The following CDH18 variants were observed in gnomAD, a reference collection of about 807,000 sequenced individuals.
The protein encoded by CDH18 is cadherin 18.
In CDH18, 31 loss-of-function variants were observed where a neutral mutation model predicts 67.9. That is an observed-to-expected ratio of 0.46 (90% CI 0.34 to 0.62). The LOEUF (loss-of-function observed/expected upper bound fraction) is 0.62. CDH18 is among the 20% of genes least tolerant of loss of function. The probability of loss-of-function intolerance (pLI) is 0.01; values close to 1 mark genes in which losing one functional copy is unlikely to be tolerated. For synonymous variants in CDH18, 362 were observed against 347.2 expected, an observed-to-expected ratio of 1.04 and a Z score of -0.48; for missense variants, 890 against 975.5, an observed-to-expected ratio of 0.91 and a Z score of 1.17.
rs182487477 is a variant in CDH18, at chr5:20,214,603, A to G, written c.-518+40841T>C. On this transcript the variant is annotated intron_variant, in intron 2 of 14. Transcript: ENST00000507958. ...CAAAGCAATAGGGAAAGGACTCCCTAGTCAATAAATGGTGCTAGGATAACT... is the reference window on the plus strand; with the variant it reads ...CAAAGCAATAGGGAAAGGACTCCCTGGTCAATAAATGGTGCTAGGATAACT... Among the ~76,000 whole-genome samples the G allele has an allele frequency of 1.2e-3, 185 of 152,210 alleles. 1 individual carries two copies. Among genetic ancestry groups the G allele is most frequent in the African/African-American group, 4.3e-3 (178 of 41,560 alleles).
chr5:20,092,231 C>G (rs779265645), intron 2 of CDH18, among the ~76,000 whole-genome samples: 39 of 152,138 alleles, frequency 2.6e-4, no homozygotes, highest in Non-Finnish European at 4.4e-4. Flanking sequence ...TTCTGTATGA[C>G]TCAATGCAAA....
intron 5 of CDH18, among the ~76,000 whole-genome samples, chr5:19,649,351 A>T (rs16885644): frequency 0.022 from 3,309 of 152,220 alleles, 54 homozygotes; most frequent in Non-Finnish European, 0.031. Context: ...CAAGTTAAAG[A>T]TATGTGTTCA....
Position 20,240,608 on chromosome 5 carries a change from G to C in CDH18, c.-518+14836C>G, listed in dbSNP as rs191713990. On this transcript the variant is annotated intron_variant, in intron 2 of 14. Transcript: ENST00000507958. ...TGAATGTATAGTTCAGACATATTTT[G>C]AAATATATTCTTTCTAAAGCAAAAT... 1.5e-3 allele frequency among the ~76,000 whole-genome samples: 234 copies of C among 152,210 alleles called. 2 individuals carry two copies. The highest frequency in any genetic ancestry group is 5.4e-3 in the African/African-American group (226 of 41,560).
chr5:19,647,518 A>AGACTCCAT (rs1208085810), intron 5 of CDH18, among the ~76,000 whole-genome samples: 1 of 118,556 alleles, frequency 8.4e-6, no homozygotes, highest in Non-Finnish European at 1.7e-5. Context: ...TGACAGAGCG[A>AGACTCCAT]GACTCCATCA....
At chr5:20,138,994 A>G (rs1749992930) in intron 2 of CDH18, among the ~76,000 whole-genome samples, 1 of 152,182 alleles carries the variant, frequency 6.6e-6, no homozygotes, top group South Asian at 2.1e-4. Flanking sequence ...CCAAAAAAGA[A>G]CCTGCATTGC....
intron 5 of CDH18, among the ~76,000 whole-genome samples, chr5:19,685,866 AG>A (rs1367306649): frequency 6.6e-6 from 1 of 152,152 alleles, no homozygotes; most frequent in Non-Finnish European, 1.5e-5. Context: ...AGGATCACAC[AG>A]GATATTTTTA....
At chr5:19,788,807 T>A (rs909423894) in intron 3 of CDH18, among the ~76,000 whole-genome samples, 2 of 152,242 alleles carry the variant, frequency 1.3e-5, no homozygotes, top group African/African-American at 4.8e-5. Context: ...GGTGACTTGT[T>A]GTTAAAGGAG....
chr5:20,246,657 G>T (rs1743403422), intron 2 of CDH18, among the ~76,000 whole-genome samples: 1 of 152,148 alleles, frequency 6.6e-6, no homozygotes, highest in Non-Finnish European at 1.5e-5. Context: ...CAACCATGAT[G>T]CATTTATGGG....
chr5:19,552,564 C>A (rs1561328886), intron 8 of CDH18, among the ~76,000 whole-genome samples: 1 of 152,152 alleles, frequency 6.6e-6, no homozygotes. Context: ...CAAACCCTAT[C>A]ACCACTACAT....
intron 1 of CDH18, among the ~76,000 whole-genome samples, chr5:20,523,943 G>C (rs1755898176): frequency 1.3e-5 from 2 of 152,214 alleles, no homozygotes; most frequent in African/African-American, 4.8e-5. Context: ...TTGGGACAGA[G>C]ATCTGGCAAA....
At chr5:19,709,834 A>T (rs1764486754) in intron 5 of CDH18, among the ~76,000 whole-genome samples, 1 of 151,986 alleles carries the variant, frequency 6.6e-6, no homozygotes. Flanking sequence ...AAAAACATAA[A>T]CCTTAAAACC....
intron 1 of CDH18, among the ~76,000 whole-genome samples, chr5:20,397,844 T>TACGTTGATAGCACATTTC (rs1403255913): frequency 6.6e-6 from 1 of 152,202 alleles, no homozygotes; most frequent in Non-Finnish European, 1.5e-5. Flanking sequence ...GTGCACATTT[T>TACGTTGATAGCACATTTC]ACGTTGATAG....
chr5:20,021,886 T>A (rs771959921), intron 2 of CDH18, among the ~76,000 whole-genome samples: 2 of 152,238 alleles, frequency 1.3e-5, no homozygotes, highest in Non-Finnish European at 2.9e-5. Context: ...ATATACATTT[T>A]CTTTCAATGA....
intron 2 of CDH18, among the ~76,000 whole-genome samples, chr5:19,945,257 C>G (rs2150244784): frequency 6.6e-6 from 1 of 152,188 alleles, no homozygotes; most frequent in Non-Finnish European, 1.5e-5. Context: ...GCAACACAAG[C>G]AGGGATCAAG....
chr5:19,578,261 T>G (rs1424314605), intron 7 of CDH18, among the ~76,000 whole-genome samples: 1 of 152,214 alleles, frequency 6.6e-6, no homozygotes, highest in Non-Finnish European at 1.5e-5. Context: ...TGTTGAAAGC[T>G]TTAAATAGTA....
At chr5:20,467,857 T>A (rs1207769583) in intron 1 of CDH18, among the ~76,000 whole-genome samples, 1 of 152,146 alleles carries the variant, frequency 6.6e-6, no homozygotes, top group Non-Finnish European at 1.5e-5. Flanking sequence ...GCTGAAAGTT[T>A]TACTATTTCC....
At chr5:20,234,173 C>A (rs1395761622) in intron 2 of CDH18, among the ~76,000 whole-genome samples, 4 of 152,090 alleles carry the variant, frequency 2.6e-5, no homozygotes, top group Non-Finnish European at 5.9e-5. Context: ...ATAAGTGTGA[C>A]CAGTTTAAAT....
intron 2 of CDH18, among the ~76,000 whole-genome samples, chr5:19,886,490 C>A (rs926489266): frequency 1.3e-5 from 2 of 152,118 alleles, no homozygotes; most frequent in Non-Finnish European, 2.9e-5. Flanking sequence ...GACATCCAGT[C>A]CGAGTTTCTA....
At chr5:19,689,824 T>G (rs895314987) in intron 5 of CDH18, among the ~76,000 whole-genome samples, 54 of 151,956 alleles carry the variant, frequency 3.6e-4, no homozygotes, top group African/African-American at 1.3e-3. Context: ...ATATTTAGAC[T>G]GTCTGAATAG....
Sources: allele counts gnomAD v4.1 joint callset (sites outside exome capture counted in the v4.1 genomes callset), GRCh38; gene constraint gnomAD v4.1.1; transcripts MANE v1.5; gene names NCBI Gene and HGNC (gene_info 2026-07-23, HGNC 2026-07-21).